CLEC16A: variants seen among roughly 807,000 people sequenced by gnomAD.
CLEC16A encodes the protein protein CLEC16A.
CLEC16A carries 51 observed loss-of-function variants against 109.5 expected under a neutral mutation model. That is an observed-to-expected ratio of 0.47 (90% CI 0.37 to 0.59). CLEC16A has a LOEUF of 0.59. CLEC16A is among the 20% of genes least tolerant of loss of function. CLEC16A has a pLI of 0.00. For missense variants in CLEC16A, 1,339 were observed against 1,394.0 expected (o/e 0.96, Z 0.63); for synonymous variants, 673 against 564.2 (o/e 1.19, Z -2.73).
At chr16:11,004,469 TC>T (rs1473090687) in intron 11 of CLEC16A, among the ~76,000 whole-genome samples, 1 of 152,150 alleles carries the variant, frequency 6.6e-6, no homozygotes, top group Non-Finnish European at 1.5e-5. Context: ...GGGGAACACT[TC>T]CTGTGAGCCC....
At chr16:11,076,429 G>C (rs921715545) in intron 19 of CLEC16A, among the ~76,000 whole-genome samples, 2 of 152,122 alleles carry the variant, frequency 1.3e-5, no homozygotes, top group African/African-American at 4.8e-5. Context: ...GAGTGGGGTT[G>C]AGGATTAACG....
intron 13 of CLEC16A, among the ~76,000 whole-genome samples, chr16:11,029,260 C>T (rs1169389899): frequency 6.6e-6 from 1 of 152,196 alleles, no homozygotes; most frequent in East Asian, 1.9e-4. Context: ...TCTCTCCACA[C>T]TGGCCCCCCC....
chr16:11,025,165 A>C (rs1270124449), intron 13 of CLEC16A, among the ~76,000 whole-genome samples: 1 of 152,198 alleles, frequency 6.6e-6, no homozygotes, highest in African/African-American at 2.4e-5. Context: ...AGGTGACTTG[A>C]GTGCCTAACC....
intron 15 of CLEC16A, 60 bp from the exon 16 acceptor site, chr16:11,043,968 G>A (rs2047491545): frequency 7.2e-7 from 1 of 1,383,942 alleles, no homozygotes; most frequent in Admixed American, 2.1e-5. Flanking sequence ...TTCGTAGTTT[G>A]CCCGACTTGC....
intron 10 of CLEC16A, among the ~76,000 whole-genome samples, chr16:10,997,681 G>A (rs747723325): frequency 6.6e-6 from 1 of 152,176 alleles, no homozygotes; most frequent in South Asian, 2.1e-4. Context: ...TGATGTAGAC[G>A]CAGGTAGAGC....
intron 19 of CLEC16A, among the ~76,000 whole-genome samples, chr16:11,075,328 G>T (rs2049287777): frequency 6.6e-6 from 1 of 151,934 alleles, no homozygotes; most frequent in Non-Finnish European, 1.5e-5. Flanking sequence ...GAGGGGCAGG[G>T]GTCCTGCTGG....
chr16:10,972,502 T>C (rs1283791385), intron 5 of CLEC16A, 52 bp from the exon 6 acceptor site: 1 of 1,584,562 alleles, frequency 6.3e-7, no homozygotes, highest in African/African-American at 1.3e-5. Context: ...TGTTAACTGT[T>C]GTCTGTTTTT....
intron 8 of CLEC16A, among the ~76,000 whole-genome samples, chr16:10,978,850 G>A (rs889432069): frequency 1.3e-5 from 2 of 152,124 alleles, no homozygotes; most frequent in Non-Finnish European, 2.9e-5. Context: ...GCAAAATGAG[G>A]GCCTAACTAT....
chr16:11,003,921 C>A (rs1325049329), intron 11 of CLEC16A, among the ~76,000 whole-genome samples: 1 of 149,992 alleles, frequency 6.7e-6, no homozygotes, highest in Non-Finnish European at 1.5e-5. Context: ...ATCACTTGAG[C>A]CCAGGAGCTT....
In CLEC16A at chr16:11,166,553, G is replaced by A; in HGVS notation, c.2806+1G>A. 4.4e-6 allele frequency: 7 copies of A among 1,586,904 alleles called. No individual in the cohort carries two copies. The highest frequency in any genetic ancestry group is 6.0e-6 in the Non-Finnish European group (7 of 1,167,120). On this transcript the variant is annotated splice_donor_variant, in intron 23 of 23. Coordinates refer to ENST00000409790, the MANE Select transcript of CLEC16A (RefSeq NM_015226.3). LOFTEE classifies it high-confidence loss of function. ...CCCTCCACAGCCCAGAGTCCAGCAG[G>A]TATTGGCCACGTGACTCAGTGATAT...
chr16:11,092,361 A>AACAAACAC (rs1242393235), intron 19 of CLEC16A, among the ~76,000 whole-genome samples: 5 of 132,544 alleles, frequency 3.8e-5, no homozygotes, highest in Admixed American at 1.5e-4. Flanking sequence ...AACAAAAACA[A>AACAAACAC]ACACACACAC....
chr16:11,136,461 TTTG>T (rs151238568), intron 22 of CLEC16A, among the ~76,000 whole-genome samples: 6,511 of 151,948 alleles, frequency 0.043, 456 homozygotes, highest in African/African-American at 0.15. Context: ...CTCTTGCCAT[TTTG>T]TTGTTGTTGT....
chr16:10,992,354 T>C (rs2044071875), intron 10 of CLEC16A, among the ~76,000 whole-genome samples: 1 of 151,980 alleles, frequency 6.6e-6, no homozygotes, highest in South Asian at 2.1e-4. Flanking sequence ...CAACTTTGTT[T>C]AGATTCCACA....
chr16:10,978,850 G>T (rs889432069), intron 8 of CLEC16A, among the ~76,000 whole-genome samples: 1 of 152,124 alleles, frequency 6.6e-6, no homozygotes, highest in Non-Finnish European at 1.5e-5. Context: ...GCAAAATGAG[G>T]GCCTAACTAT....
chr16:10,966,914 T>C (rs2042538936), intron 3 of CLEC16A, among the ~76,000 whole-genome samples: 1 of 152,204 alleles, frequency 6.6e-6, no homozygotes, highest in Non-Finnish European at 1.5e-5. Flanking sequence ...TGTGTGTGTA[T>C]ATTTCCACAT....
At chr16:11,176,996 A>G (rs181145359) in intron 23 of CLEC16A, among the ~76,000 whole-genome samples, 9 of 152,310 alleles carry the variant, frequency 5.9e-5, no homozygotes, top group Admixed American at 5.9e-4. Flanking sequence ...AAGAGAAAAT[A>G]AAAAACTAAA....
chr16:11,143,902 C>T (rs1203640538), intron 22 of CLEC16A, among the ~76,000 whole-genome samples: 1 of 152,202 alleles, frequency 6.6e-6, no homozygotes, highest in Non-Finnish European at 1.5e-5. Context: ...CTGGCTTGGC[C>T]TGACCCTGGC....
rs1217456532 is a variant in CLEC16A, at chr16:11,082,912, A to T, written c.2116+21890A>T. On this transcript the variant is annotated intron_variant, in intron 19 of 23. Coordinates refer to ENST00000409790, the MANE Select transcript of CLEC16A (RefSeq NM_015226.3). ...CAACAGCTTCTCCATCCAGTTAGGG[A>T]GAGTGGGAGCTCCCCATCTAAGTTT... Among the ~76,000 whole-genome samples, 3 of 152,140 alleles carry T rather than the reference A, an allele frequency of 2.0e-5. No homozygotes were observed. In the East Asian group the frequency reaches 5.8e-4, roughly 29 times the overall value.
chr16:11,048,865 C>G lies in CLEC16A; in HGVS notation c.1866+1523C>G, dbSNP rs2047776805. 2.6e-5 allele frequency among the ~76,000 whole-genome samples: 4 copies of G among 151,758 alleles called. No individual in the cohort carries two copies. The South Asian group carries it at 8.4e-4, about 32-fold the overall frequency. On this transcript the variant is annotated intron_variant, in intron 17 of 23. Coordinates refer to ENST00000409790, the MANE Select transcript of CLEC16A (RefSeq NM_015226.3). ...AGACATCCCCCTGCAATGTCATTTC[C>G]TACAGTTTGGTTTCCTGTTTGGAAA...
Sources: allele counts gnomAD v4.1 joint callset (sites outside exome capture counted in the v4.1 genomes callset), GRCh38; gene constraint gnomAD v4.1.1; transcripts MANE v1.5; gene names NCBI Gene and HGNC (gene_info 2026-07-23, HGNC 2026-07-21).